Variants in CDH18 observed in about 807,000 individuals in gnomAD.
CDH18 encodes the protein cadherin 18, also known as cadherin-18.
A neutral mutation model predicts 67.9 loss-of-function variants in CDH18; 31 were observed. The ratio of observed to expected loss-of-function variants is 0.46; its 90% CI spans 0.34 to 0.62. CDH18 has a LOEUF of 0.62. Among genes scored for constraint, CDH18 ranks in the 20% least tolerant of loss-of-function variants. CDH18 has a pLI of 0.01. For missense variants in CDH18, 890 were observed against 975.5 expected (o/e 0.91, Z 1.17); for synonymous variants, 362 against 347.2 (o/e 1.04, Z -0.48).
At chr5:19,860,416 C>T (rs1187581675) in intron 2 of CDH18, among the ~76,000 whole-genome samples, 3 of 150,336 alleles carry the variant, frequency 2.0e-5, no homozygotes, top group South Asian at 2.1e-4. Context: ...TTCTCATTGC[C>T]TTCTTTTCTT....
intron 2 of CDH18, among the ~76,000 whole-genome samples, chr5:20,122,811 TATATATATATATATATAC>T (rs939632944): frequency 1.9e-4 from 26 of 134,962 alleles, no homozygotes; most frequent in African/African-American, 7.3e-4. Context: ...GAATACAAAG[TATATATATATATATATAC>T]ATATATATAT....
intron 5 of CDH18, among the ~76,000 whole-genome samples, chr5:19,709,561 C>T (rs1764432577): frequency 6.7e-6 from 1 of 149,064 alleles, no homozygotes; most frequent in South Asian, 2.1e-4. Flanking sequence ...GAGTGAAACT[C>T]TTTCAAAAAA....
chr5:20,525,629 T>C (rs1056915746), intron 1 of CDH18, among the ~76,000 whole-genome samples: 5 of 152,132 alleles, frequency 3.3e-5, no homozygotes, highest in African/African-American at 9.7e-5. Flanking sequence ...TTTAAATTAA[T>C]TGACCCTACT....
intron 1 of CDH18, among the ~76,000 whole-genome samples, chr5:20,323,814 A>G (rs1738273260): frequency 1.3e-5 from 2 of 152,230 alleles, no homozygotes; most frequent in African/African-American, 4.8e-5. Context: ...CAGAGACATT[A>G]TAGGAAATAT....
At chr5:19,952,945 AT>A (rs1365989203) in intron 2 of CDH18, among the ~76,000 whole-genome samples, 1 of 152,146 alleles carries the variant, frequency 6.6e-6, no homozygotes, top group Non-Finnish European at 1.5e-5. Context: ...TCAATTATCT[AT>A]TTTATTCATT....
chr5:20,054,108 T>C (rs1741694116), intron 2 of CDH18, among the ~76,000 whole-genome samples: 1 of 152,166 alleles, frequency 6.6e-6, no homozygotes, highest in South Asian at 2.1e-4. Flanking sequence ...TTAGAATATA[T>C]ACGGTACAAT....
chr5:20,369,891 G>A (rs547616647), intron 1 of CDH18, among the ~76,000 whole-genome samples: 1 of 152,036 alleles, frequency 6.6e-6, no homozygotes, highest in South Asian at 2.1e-4. Flanking sequence ...TAAGTTCTGG[G>A]GTACACGTGT....
chr5:20,220,971 C>T (rs1580511888), intron 2 of CDH18, among the ~76,000 whole-genome samples: 2 of 152,088 alleles, frequency 1.3e-5, no homozygotes, highest in South Asian at 4.1e-4. Flanking sequence ...CAAACAAAGA[C>T]AAATACTGGA....
intron 2 of CDH18, among the ~76,000 whole-genome samples, chr5:20,142,747 C>G (rs1750342141): frequency 6.6e-6 from 1 of 152,100 alleles, no homozygotes; most frequent in South Asian, 2.1e-4. Context: ...AGATTTCTGA[C>G]AAACCACCAG....
At position 20,233,019 on chromosome 5, in the gene CDH18, C is replaced by G. The variant is rs1272143031; in HGVS notation, c.-518+22425G>C. Reference sequence around the variant, plus strand: ...ATAAAGAAGTTGAAACCTGATTAATCCAGATGATGTTAAAAATCCTGAAGT... The same window carrying G: ...ATAAAGAAGTTGAAACCTGATTAATGCAGATGATGTTAAAAATCCTGAAGT... On this transcript the variant is annotated intron_variant, in intron 2 of 14. Coordinates refer to the CDH18 transcript ENST00000507958. Among the ~76,000 whole-genome samples the G allele has an allele frequency of 1.1e-4, 16 of 151,736 alleles. 1 individual carries two copies.
rs537710120 is a variant in CDH18, at chr5:19,536,159, C to T, written c.1390+7710G>A. 2.0e-5 allele frequency among the ~76,000 whole-genome samples: 3 copies of T among 152,144 alleles called. No homozygotes were observed. The South Asian group carries it at 6.2e-4, about 32-fold the overall frequency. ...AACAAAGATAAGTTAGACCAGATTTCTAAACTTGACATGGTTACAAGCCCA... is the reference window on the plus strand; with the variant it reads ...AACAAAGATAAGTTAGACCAGATTTTTAAACTTGACATGGTTACAAGCCCA... On this transcript the variant is annotated intron_variant, in intron 9 of 12. Transcript: ENST00000382275.
At chr5:19,986,554 C>T (rs1799583333) in intron 1 of CDH18, among the ~76,000 whole-genome samples, 1 of 152,138 alleles carries the variant, frequency 6.6e-6, no homozygotes, top group Admixed American at 6.5e-5. Context: ...AAGTATAGTT[C>T]ATAAAATACT....
chr5:20,496,022 T>C (rs1753885513), intron 1 of CDH18, among the ~76,000 whole-genome samples: 1 of 151,790 alleles, frequency 6.6e-6, no homozygotes. Context: ...GAGATCCAAG[T>C]GTGGATAAAT....
At chr5:20,465,674 A>G (rs935960119) in intron 1 of CDH18, among the ~76,000 whole-genome samples, 17 of 152,036 alleles carry the variant, frequency 1.1e-4, no homozygotes, top group African/African-American at 4.1e-4. Context: ...TGACCGACAT[A>G]TCAAATTATG....
At chr5:20,564,576 A>AT (rs1758400334) in intron 1 of CDH18, among the ~76,000 whole-genome samples, 1 of 152,140 alleles carries the variant, frequency 6.6e-6, no homozygotes, top group Non-Finnish European at 1.5e-5. Context: ...CAACTCAAAT[A>AT]TCAAGTGCTC....
chr5:20,486,226 T>G (rs1753167773), intron 1 of CDH18, among the ~76,000 whole-genome samples: 1 of 152,130 alleles, frequency 6.6e-6, no homozygotes, highest in African/African-American at 2.4e-5. Flanking sequence ...GTCATTTCAT[T>G]AAGTCGAAAA....
At chr5:19,514,674 C>T (rs936004583) in intron 10 of CDH18, among the ~76,000 whole-genome samples, 2 of 152,124 alleles carry the variant, frequency 1.3e-5, no homozygotes, top group Non-Finnish European at 2.9e-5. Flanking sequence ...TTATCCTTTG[C>T]CCACTTTTTG....
At chr5:20,021,622 C>T (rs543053965) in intron 2 of CDH18, among the ~76,000 whole-genome samples, 1 of 152,250 alleles carries the variant, frequency 6.6e-6, no homozygotes, top group East Asian at 1.9e-4. Flanking sequence ...ATAGCTAAGA[C>T]AATGGGGAAA....
intron 6 of CDH18, among the ~76,000 whole-genome samples, chr5:19,596,946 T>A (rs1010041802): frequency 4.6e-5 from 7 of 152,224 alleles, no homozygotes; most frequent in Non-Finnish European, 1.0e-4. Context: ...ATCCTGCTGA[T>A]CATGTCCTTG....
Sources: gnomAD v4.1 joint callset for allele counts (sites outside exome capture counted in the v4.1 genomes callset) on GRCh38, gnomAD v4.1.1 for gene constraint, MANE v1.5 for transcripts, NCBI Gene and HGNC (gene_info 2026-07-23, HGNC 2026-07-21) for gene names.